CACNA2D1: variants seen among roughly 807,000 people sequenced by gnomAD.
The protein encoded by CACNA2D1 is calcium voltage-gated channel auxiliary subunit alpha2delta 1.
A neutral mutation model predicts 171.5 loss-of-function variants in CACNA2D1; 53 were observed. That is an observed-to-expected ratio of 0.31 (90% CI 0.25 to 0.39). The LOEUF is 0.39. Ranked by LOEUF, CACNA2D1 falls within the 10% of genes least tolerant of loss-of-function variation. CACNA2D1 has a pLI of 1.00. For synonymous variants in CACNA2D1, 442 were observed against 443.1 expected, an observed-to-expected ratio of 1.00 and a Z score of 0.03; for missense variants, 903 against 1,299.8, an observed-to-expected ratio of 0.69 and a Z score of 4.69.
chr7:82,360,142 C>A (rs1357618566), intron 1 of CACNA2D1, among the ~76,000 whole-genome samples: 1 of 152,150 alleles, frequency 6.6e-6, no homozygotes, highest in Non-Finnish European at 1.5e-5. Context: ...ATTGTTAAAC[C>A]ACCAGATAGT....
At chr7:82,355,288 G>A (rs573415552) in intron 1 of CACNA2D1, among the ~76,000 whole-genome samples, 1 of 152,234 alleles carries the variant, frequency 6.6e-6, no homozygotes, top group South Asian at 2.1e-4. Context: ...GGCAACTCAT[G>A]TATATCTGGT....
In CACNA2D1 at chr7:82,050,656, T is replaced by A. The variant is rs1215932317; in HGVS notation, c.879+9772A>T. 8.5e-6 allele frequency: 6 copies of A among 702,520 alleles called. No homozygotes were observed. In the Admixed American group the frequency reaches 1.0e-4, roughly 12 times the overall value. The allele number at this position is 702,520 out of a possible 1,614,324, so 43.5% of individuals were successfully genotyped here. A position where few individuals can be genotyped will look rare whatever the true frequency, so the allele number is the denominator to read the frequency against. On this transcript the variant is annotated intron_variant, in intron 10 of 38. Coordinates refer to ENST00000356860, the MANE Select transcript of CACNA2D1 (RefSeq NM_000722.4). The stretch of plus-strand genomic sequence containing the variant: ...GGAATGCAAATAAATCTGAATAAAT[T>A]GGCTGTTAATGCTTAGACTTAAATG...
chr7:81,964,758 T>C (rs1001036125), intron 32 of CACNA2D1, among the ~76,000 whole-genome samples: 7 of 151,906 alleles, frequency 4.6e-5, no homozygotes, highest in African/African-American at 1.2e-4. Context: ...TTAATAATAC[T>C]GTGTTGTCTA....
At chr7:82,403,415 T>C (rs1319484938) in intron 1 of CACNA2D1, among the ~76,000 whole-genome samples, 1 of 152,214 alleles carries the variant, frequency 6.6e-6, no homozygotes, top group African/African-American at 2.4e-5. Flanking sequence ...TCTCTAAAAG[T>C]AAGGTGGACT....
chr7:82,245,981 T>C (rs1804870158), intron 3 of CACNA2D1, among the ~76,000 whole-genome samples: 1 of 152,128 alleles, frequency 6.6e-6, no homozygotes, highest in African/African-American at 2.4e-5. Flanking sequence ...CTATTGTCTA[T>C]GTATAGAGAT....
intron 6 of CACNA2D1, among the ~76,000 whole-genome samples, chr7:82,090,811 G>T (rs1430322201): frequency 6.6e-6 from 1 of 151,956 alleles, no homozygotes; most frequent in East Asian, 1.9e-4. Context: ...TAGAAACTTT[G>T]TTTAGTTTTA....
intron 3 of CACNA2D1, among the ~76,000 whole-genome samples, chr7:82,317,856 G>A (rs1437710356): frequency 6.6e-6 from 1 of 151,622 alleles, no homozygotes; most frequent in African/African-American, 2.4e-5. Flanking sequence ...AAAGAATGAC[G>A]GTGAATACAT....
intron 36 of CACNA2D1, among the ~76,000 whole-genome samples, chr7:81,961,555 T>TTTCCTAA (rs1339909895): frequency 1.5e-4 from 23 of 151,582 alleles, no homozygotes; most frequent in Non-Finnish European, 3.4e-4. Context: ...TAGAAATTTT[T>TTTCCTAA]AATATGGGTT....
intron 10 of CACNA2D1, among the ~76,000 whole-genome samples, chr7:82,048,837 G>A (rs1038008173): frequency 3.3e-5 from 5 of 151,934 alleles, no homozygotes; most frequent in African/African-American, 9.7e-5. Flanking sequence ...CATCTAATAA[G>A]TACTCACATA....
intron 1 of CACNA2D1, among the ~76,000 whole-genome samples, chr7:82,440,343 A>G (rs929135297): frequency 6.6e-6 from 1 of 151,950 alleles, no homozygotes; most frequent in Non-Finnish European, 1.5e-5. Context: ...AATACTGGCT[A>G]TCACACATGT....
At chr7:82,015,200 G>C (rs537177569) in intron 12 of CACNA2D1, among the ~76,000 whole-genome samples, 1 of 152,298 alleles carries the variant, frequency 6.6e-6, no homozygotes, top group Admixed American at 6.5e-5. Context: ...TAGGTATGTA[G>C]TAATGAAAAA....
chr7:82,232,974 T>C (rs1469627086), intron 3 of CACNA2D1, among the ~76,000 whole-genome samples: 1 of 149,832 alleles, frequency 6.7e-6, no homozygotes. Context: ...CATAAAAAAT[T>C]AATAAACGAA....
chr7:81,983,409 A>G lies in CACNA2D1; in HGVS notation c.1874-75T>C, dbSNP rs1438638333. The G allele has an allele frequency of 3.8e-6, 4 of 1,060,308 alleles. No homozygotes were observed. In the East Asian group the frequency reaches 7.4e-5, roughly 20 times the overall value. The allele number at this position is 1,060,308 out of a possible 1,614,324, so 65.7% of individuals were successfully genotyped here. A position where few individuals can be genotyped will look rare whatever the true frequency, so the allele number is the denominator to read the frequency against. On this transcript the variant is annotated intron_variant, in intron 22 of 38. Coordinates refer to ENST00000356860, the MANE Select transcript of CACNA2D1 (RefSeq NM_000722.4). Reference sequence around the variant, plus strand: ...GGTAAAGCAAAGGGGGTCATAAACAATATTTTATTCAATGACTTTCTTGAA... The same window carrying G: ...GGTAAAGCAAAGGGGGTCATAAACAGTATTTTATTCAATGACTTTCTTGAA...
intron 1 of CACNA2D1, among the ~76,000 whole-genome samples, chr7:82,383,557 T>A (rs1348719245): frequency 6.6e-6 from 1 of 152,232 alleles, no homozygotes; most frequent in Middle Eastern, 3.2e-3. Flanking sequence ...GACAGTACCC[T>A]TGGTCTTCAT....
At chr7:82,050,204 C>G (rs1805030663) in intron 10 of CACNA2D1, 2 of 192,846 alleles carry the variant, frequency 1.0e-5, no homozygotes, top group African/African-American at 4.7e-5. Context: ...AAACAACCTC[C>G]TGCTCTGGTA....
At chr7:82,137,318 A>C (rs1791737798) in intron 4 of CACNA2D1, among the ~76,000 whole-genome samples, 2 of 152,190 alleles carry the variant, frequency 1.3e-5, no homozygotes, top group Admixed American at 1.3e-4. Context: ...ATAAATATAA[A>C]TTAGGGCTAC....
chr7:82,001,658 C>T, intron 18 of CACNA2D1: 1 of 1,212,146 alleles, frequency 8.2e-7, no homozygotes, highest in Non-Finnish European at 1.1e-6. Flanking sequence ...TTCACAGTTA[C>T]CTGGATATTG....
At chr7:82,230,593 A>C (rs1354772431) in intron 3 of CACNA2D1, among the ~76,000 whole-genome samples, 2 of 152,214 alleles carry the variant, frequency 1.3e-5, no homozygotes, top group African/African-American at 4.8e-5. Context: ...AAAACTGAAG[A>C]AGGAATTTGG....
At position 82,364,870 on chromosome 7, in the gene CACNA2D1, C is replaced by T. The variant is rs137873680; in HGVS notation, c.96-15221G>A. On this transcript the variant is annotated intron_variant, in intron 1 of 38. Transcript: ENST00000356860. Reference sequence around the variant, plus strand: ...GAATGGGCAGACAATAGGATTAATGCAAGAGACTCTGTTGTGTTCATCGCA... The same window carrying T: ...GAATGGGCAGACAATAGGATTAATGTAAGAGACTCTGTTGTGTTCATCGCA... 6.9e-3 allele frequency among the ~76,000 whole-genome samples: 1,043 copies of T among 152,206 alleles called. 13 individuals carry two copies. The highest frequency in any genetic ancestry group is 0.024 in the African/African-American group (983 of 41,548).
Sources: allele counts gnomAD v4.1 joint callset (sites outside exome capture counted in the v4.1 genomes callset), GRCh38; gene constraint gnomAD v4.1.1; transcripts MANE v1.5; gene names NCBI Gene and HGNC (gene_info 2026-07-23, HGNC 2026-07-21).